DCC: variants seen among roughly 807,000 people sequenced by gnomAD.
DCC encodes netrin receptor DCC.
DCC carries 58 observed loss-of-function variants against 172.5 expected under a neutral mutation model. The observed-to-expected ratio is 0.34, with a 90% CI of 0.27 to 0.42. DCC has a LOEUF of 0.42. Ranked by LOEUF, DCC falls within the 10% of genes least tolerant of loss-of-function variation. The pLI, the probability that DCC is intolerant of heterozygous loss-of-function variation, is 1.00. For missense variants in DCC, 1,740 were observed against 1,791.0 expected (o/e 0.97, Z 0.51); for synonymous variants, 709 against 644.5 (o/e 1.10, Z -1.52).
intron 15 of DCC, among the ~76,000 whole-genome samples, chr18:53,347,394 A>T (rs1187302866): frequency 6.6e-6 from 1 of 152,150 alleles, no homozygotes; most frequent in Non-Finnish European, 1.5e-5. Context: ...AGTGGCTGTT[A>T]TCAGTGAGAT....
Position 53,063,426 on chromosome 18 carries a change from T to A in DCC, c.1107T>A (p.Asp369Glu). 1 of 1,611,914 alleles carries A rather than the reference T, an allele frequency of 6.2e-7. No individual in the cohort carries two copies. The highest frequency in any genetic ancestry group is 1.1e-5 in the South Asian group (1 of 91,014). Residue 369 changes from aspartate to glutamate, a missense_variant, in exon 6 of 29, where the codon GAT (aspartate) becomes GAA (glutamate). This residue lies in a region of DCC where 1,732 missense variants were observed against 1,767.4 expected (regional missense o/e 0.98). Transcript: ENST00000442544. ...VPTVNWMKNGDVVIPSDYFQI... is the reference protein window; with the variant it reads ...VPTVNWMKNGEVVIPSDYFQI... ...CTGTGAATTGGATGAAGAATGGAGA[T>A]GTGGTCATTCCTAGTGATTATTTTC... is the stretch of plus-strand genomic sequence containing the variant.
At chr18:52,897,871 A>G (rs1277076307) in intron 2 of DCC, among the ~76,000 whole-genome samples, 2 of 152,026 alleles carry the variant, frequency 1.3e-5, no homozygotes, top group Non-Finnish European at 2.9e-5. Context: ...GAATAAAAAA[A>G]GGGAAATGAT....
At chr18:53,201,988 T>G (rs913634193) in intron 9 of DCC, among the ~76,000 whole-genome samples, 68 of 152,174 alleles carry the variant, frequency 4.5e-4, no homozygotes, top group Non-Finnish European at 2.4e-4. Context: ...ATGAAACATA[T>G]GTACTGTCTG....
intron 1 of DCC, among the ~76,000 whole-genome samples, chr18:52,436,971 A>G (rs1987816860): frequency 6.6e-6 from 1 of 152,160 alleles, no homozygotes; most frequent in South Asian, 2.1e-4. Context: ...TAATTATTAA[A>G]TTTCCCATTT....
intron 2 of DCC, among the ~76,000 whole-genome samples, chr18:52,831,430 T>C (rs1195418677): frequency 2.6e-5 from 4 of 152,114 alleles, no homozygotes; most frequent in Non-Finnish European, 5.9e-5. Context: ...CAGGCGTGAA[T>C]GCAGGGAAGC....
intron 2 of DCC, among the ~76,000 whole-genome samples, chr18:52,847,062 T>G (rs1324242940): frequency 6.6e-6 from 1 of 152,224 alleles, no homozygotes; most frequent in African/African-American, 2.4e-5. Flanking sequence ...TCTACTGAGA[T>G]GGGCTTTCAA....
At chr18:52,790,078 C>T (rs1206722788) in intron 2 of DCC, among the ~76,000 whole-genome samples, 1 of 152,032 alleles carries the variant, frequency 6.6e-6, no homozygotes, top group Admixed American at 6.6e-5. Flanking sequence ...ATTTTCTGGC[C>T]CTCACCCAGG....
chr18:52,466,235 G>A (rs1162240868), intron 1 of DCC, among the ~76,000 whole-genome samples: 2 of 152,094 alleles, frequency 1.3e-5, no homozygotes, highest in Non-Finnish European at 2.9e-5. Context: ...CCTCAAAAAG[G>A]GATATGCGGC....
At chr18:52,973,705 T>C (rs1270567974) in intron 5 of DCC, among the ~76,000 whole-genome samples, 1 of 152,190 alleles carries the variant, frequency 6.6e-6, no homozygotes, top group Non-Finnish European at 1.5e-5. Flanking sequence ...ATCTTTACTA[T>C]GTTACAGAAG....
At chr18:53,026,746 A>G (rs975209508) in intron 5 of DCC, among the ~76,000 whole-genome samples, 6 of 151,636 alleles carry the variant, frequency 4.0e-5, no homozygotes, top group East Asian at 1.9e-4. Context: ...ATTTTTTTTT[A>G]TAGAAACAGT....
intron 22 of DCC, among the ~76,000 whole-genome samples, chr18:53,449,386 A>C (rs945396557): frequency 6.6e-6 from 1 of 152,150 alleles, no homozygotes; most frequent in Non-Finnish European, 1.5e-5. Context: ...CAGATGTCTT[A>C]TTATTCTGTT....
At chr18:52,957,634 G>A (rs529683225) in intron 5 of DCC, among the ~76,000 whole-genome samples, 30 of 152,108 alleles carry the variant, frequency 2.0e-4, no homozygotes, top group Non-Finnish European at 3.4e-4. Context: ...AAGTATGTGT[G>A]AACAGAGGAA....
intron 5 of DCC, among the ~76,000 whole-genome samples, chr18:52,937,048 T>C (rs2040391474): frequency 6.6e-6 from 1 of 152,096 alleles, no homozygotes. Flanking sequence ...AGGAGTAGAA[T>C]TGCTGGATTA....
chr18:52,350,190 C>G (rs1984056402), intron 1 of DCC, among the ~76,000 whole-genome samples: 2 of 152,172 alleles, frequency 1.3e-5, no homozygotes, highest in Non-Finnish European at 2.9e-5. Flanking sequence ...TTCTGCCCTG[C>G]AGGGGCTTTT....
chr18:52,918,831 TAAC>T (rs559245782), intron 3 of DCC, among the ~76,000 whole-genome samples: 3 of 152,184 alleles, frequency 2.0e-5, no homozygotes, highest in Non-Finnish European at 2.9e-5. Context: ...CAAACTGAAA[TAAC>T]AAAGTTATTT....
intron 27 of DCC, among the ~76,000 whole-genome samples, chr18:53,515,685 A>C (rs1241639506): frequency 1.3e-5 from 2 of 150,124 alleles, no homozygotes; most frequent in Non-Finnish European, 3.0e-5. Flanking sequence ...ATCATGAGTG[A>C]ACTCCCATTC....
intron 1 of DCC, among the ~76,000 whole-genome samples, chr18:52,570,495 T>C (rs2033267066): frequency 6.6e-6 from 1 of 152,240 alleles, no homozygotes; most frequent in Non-Finnish European, 1.5e-5. Flanking sequence ...GAAGATGTAC[T>C]ATAAATATAT....
intron 5 of DCC, among the ~76,000 whole-genome samples, chr18:52,979,820 A>T (rs1406326110): frequency 6.6e-6 from 1 of 152,162 alleles, no homozygotes; most frequent in Non-Finnish European, 1.5e-5. Context: ...CTTTGAACTA[A>T]AGCATAAAGA....
At chr18:52,898,968 C>T (rs1165234583) in intron 2 of DCC, among the ~76,000 whole-genome samples, 1 of 152,124 alleles carries the variant, frequency 6.6e-6, no homozygotes, top group Non-Finnish European at 1.5e-5. Flanking sequence ...TTCAAAACGT[C>T]TACTGATTTA....
Sources: allele counts gnomAD v4.1 joint callset (sites outside exome capture counted in the v4.1 genomes callset), GRCh38; gene constraint gnomAD v4.1.1; regional missense constraint gnomAD v4.1.1; transcripts MANE v1.5; gene names NCBI Gene and HGNC (gene_info 2026-07-23, HGNC 2026-07-21).